PLCE1: variants seen among roughly 807,000 people sequenced by gnomAD.
PLCE1 encodes phospholipase C epsilon 1, also known as 1-phosphatidylinositol 4,5-bisphosphate phosphodiesterase epsilon-1.
PLCE1 carries 119 observed loss-of-function variants against 242.8 expected under a neutral mutation model. The observed-to-expected ratio is 0.49, with a 90% confidence interval of 0.42 to 0.57. The LOEUF (loss-of-function observed/expected upper bound fraction) is 0.57, where lower values mean the gene tolerates loss of function less well. Among genes scored for constraint, PLCE1 ranks in the 20% least tolerant of loss-of-function variants. The probability of loss-of-function intolerance (pLI) is 0.00; values close to 1 mark genes in which losing one functional copy is unlikely to be tolerated. For synonymous variants in PLCE1, 945 were observed against 1,017.4 expected (o/e 0.93, Z 1.35); for missense variants, 2,441 against 2,788.8 (o/e 0.88, Z 2.81).
At chr10:94,065,193 C>G (rs2044164910) in intron 2 of PLCE1, among the ~76,000 whole-genome samples, 1 of 152,156 alleles carries the variant, frequency 6.6e-6, no homozygotes, top group South Asian at 2.1e-4. Flanking sequence ...GGATTCTGGA[C>G]CTTTGTCTTC....
chr10:94,301,357 A>G (rs1028234293), intron 24 of PLCE1, among the ~76,000 whole-genome samples: 9 of 152,198 alleles, frequency 5.9e-5, no homozygotes, highest in African/African-American at 2.2e-4. Flanking sequence ...AAAAAAAAGA[A>G]AAAGAAAATT....
At chr10:94,071,144 AC>A (rs1366907540) in intron 2 of PLCE1, among the ~76,000 whole-genome samples, 1 of 152,098 alleles carries the variant, frequency 6.6e-6, no homozygotes, top group Non-Finnish European at 1.5e-5. Flanking sequence ...TGTGAAATTA[AC>A]CCCTATTCCA....
chr10:94,302,192 G>A (rs12266908), intron 24 of PLCE1, among the ~76,000 whole-genome samples: 4,061 of 152,212 alleles, frequency 0.027, 181 homozygotes, highest in African/African-American at 0.09. Context: ...GCGGCTCTAC[G>A]TGGATCTCTT....
intron 4 of PLCE1, among the ~76,000 whole-genome samples, chr10:94,221,666 C>T (rs931180645): frequency 1.3e-5 from 2 of 151,796 alleles, no homozygotes. Context: ...ACCCAGGAGG[C>T]GGAGATTGCA....
chr10:94,132,502 C>T (rs1253407811), intron 3 of PLCE1, 43 bp downstream of exon 3: 7 of 1,559,620 alleles, frequency 4.5e-6, no homozygotes, highest in Non-Finnish European at 6.2e-6. Flanking sequence ...TCTTTGACTA[C>T]AGAGAAGGAT....
chr10:94,178,684 C>T (rs2048199309), intron 4 of PLCE1, among the ~76,000 whole-genome samples: 1 of 150,190 alleles, frequency 6.7e-6, no homozygotes, highest in South Asian at 2.1e-4. Context: ...TCCTTATATA[C>T]TTCATAGCAA....
intron 2 of PLCE1, among the ~76,000 whole-genome samples, chr10:94,119,093 T>C (rs1009228699): frequency 1.3e-5 from 2 of 152,378 alleles, no homozygotes; most frequent in African/African-American, 4.8e-5. Flanking sequence ...CTGAAAGTTG[T>C]TACTTACCTT....
chr10:94,062,582 G>GTTTTTTTTTTTTTTTTTTTTTTT, intron 2 of PLCE1, among the ~76,000 whole-genome samples: 1 of 142,350 alleles, frequency 7.0e-6, no homozygotes, highest in Non-Finnish European at 1.5e-5. Flanking sequence ...TCTTGGTTTT[G>GTTTTTTTTTTTTTTTTTTTTTTT]TTTTTTTTTT....
At chr10:94,157,850 C>T (rs1158753562) in intron 3 of PLCE1, among the ~76,000 whole-genome samples, 1 of 152,084 alleles carries the variant, frequency 6.6e-6, no homozygotes. Flanking sequence ...AGATGCTGGA[C>T]TTTGGTGTTG....
intron 7 of PLCE1, among the ~76,000 whole-genome samples, chr10:94,238,870 A>G (rs1481010935): frequency 3.3e-5 from 5 of 152,178 alleles, no homozygotes; most frequent in African/African-American, 1.2e-4. Context: ...GAAAAATAAG[A>G]TATAAGTAGA....
At chr10:94,263,368 G>A (rs578057460) in intron 14 of PLCE1, among the ~76,000 whole-genome samples, 6 of 152,064 alleles carry the variant, frequency 3.9e-5, no homozygotes, top group South Asian at 2.1e-4. Context: ...ACAAAAATTA[G>A]CCAGGTGTGG....
At chr10:94,227,559 G>A in intron 5 of PLCE1, 108 bp downstream of exon 5, 4 of 985,606 alleles carry the variant, frequency 4.1e-6, no homozygotes, top group Non-Finnish European at 6.6e-6. Context: ...CAGGTAACTG[G>A]AAATGATTAA....
At chr10:94,114,556 T>G (rs528561170) in intron 2 of PLCE1, among the ~76,000 whole-genome samples, 119 of 152,326 alleles carry the variant, frequency 7.8e-4, no homozygotes, top group African/African-American at 2.7e-3. Context: ...TCTAACTTCC[T>G]TTTATGCTTG....
chr10:94,040,532 C>G (rs1368230861), intron 2 of PLCE1, among the ~76,000 whole-genome samples: 1 of 152,162 alleles, frequency 6.6e-6, no homozygotes, highest in African/African-American at 2.4e-5. Context: ...ACAAGCAGGG[C>G]CATCACTAGG....
At chr10:94,204,707 G>T (rs1020674423) in intron 4 of PLCE1, among the ~76,000 whole-genome samples, 5 of 148,302 alleles carry the variant, frequency 3.4e-5, no homozygotes, top group Non-Finnish European at 5.9e-5. Context: ...AAGAAAGGAA[G>T]GAAGAAAAGA....
intron 7 of PLCE1, among the ~76,000 whole-genome samples, chr10:94,241,062 A>G (rs2050488561): frequency 1.3e-5 from 2 of 152,232 alleles, no homozygotes; most frequent in African/African-American, 4.8e-5. Flanking sequence ...AACTTATTTC[A>G]TTACAAACAA....
intron 19 of PLCE1, among the ~76,000 whole-genome samples, chr10:94,278,642 C>T (rs1042205183): frequency 4.6e-5 from 7 of 152,270 alleles, no homozygotes; most frequent in Non-Finnish European, 7.4e-5. Flanking sequence ...GAGAAGGGAT[C>T]CTGTCTCACC....
rs557313698 is a variant in PLCE1, at chr10:94,047,355, G to A, written c.1206+15103G>A. Among the ~76,000 whole-genome samples, 113 of 152,290 alleles carry A rather than the reference G, an allele frequency of 7.4e-4. 1 individual carries two copies. The highest frequency in any genetic ancestry group is 1.1e-3 in the Non-Finnish European group (77 of 68,020). ...TGCTTGTCTCCCTACCAGTGAGAAG[G>A]CAAAGTGTTCCGCCATAAGAAAATT... On this transcript the variant is annotated intron_variant, in intron 2 of 32. Coordinates refer to ENST00000371380, the MANE Select transcript of PLCE1 (RefSeq NM_016341.4).
At position 94,327,507 on chromosome 10, in the gene PLCE1, A is replaced by T. The variant is rs995256687; in HGVS notation, c.*25-461A>T. Among the ~76,000 whole-genome samples, 11 of 152,206 alleles carry T rather than the reference A, an allele frequency of 7.2e-5. 1 individual carries two copies. The highest frequency in any genetic ancestry group is 2.7e-4 in the African/African-American group (11 of 41,462). ...GGAGAATTGCTTGAACTTTGGAGGCAGCAGTCCAGCCAGACAAGAGGGAGA... is the reference window on the plus strand; with the variant it reads ...GGAGAATTGCTTGAACTTTGGAGGCTGCAGTCCAGCCAGACAAGAGGGAGA... On this transcript the variant is annotated intron_variant, in intron 32 of 32. Coordinates refer to ENST00000371380, the MANE Select transcript of PLCE1 (RefSeq NM_016341.4).
Sources: allele counts gnomAD v4.1 joint callset (sites outside exome capture counted in the v4.1 genomes callset), GRCh38; gene constraint gnomAD v4.1.1; transcripts MANE v1.5; gene names NCBI Gene and HGNC (gene_info 2026-07-23, HGNC 2026-07-21).